DCAF15: variants seen among roughly 807,000 people sequenced by gnomAD.
DCAF15 encodes the protein DDB1- and CUL4-associated factor 15.
DCAF15 carries 24 observed loss-of-function variants against 68.0 expected under a neutral mutation model. That is an observed-to-expected ratio of 0.35 (90% confidence interval 0.26 to 0.50). DCAF15 has a LOEUF of 0.50. Among genes scored for constraint, DCAF15 ranks in the 20% least tolerant of loss-of-function variants. The pLI is 0.98. For synonymous variants in DCAF15, 376 were observed against 341.6 expected (o/e 1.10, Z -1.11); for missense variants, 627 against 830.6 (o/e 0.75, Z 3.01).
At position 13,956,280 on chromosome 19, in the gene DCAF15, GC is replaced by G; in HGVS notation, c.613+19del. ...CCACCCAGGTGAGGGGGCCGAGGGG[GC>G]GAGGGCCTCTTCCCCCCTCCCCCCC... On this transcript the variant is annotated intron_variant, in intron 5 of 12. Coordinates refer to ENST00000254337, the MANE Select transcript of DCAF15 (RefSeq NM_138353.4). 6.2e-7 allele frequency: 1 copy of G among 1,611,866 alleles called. No individual in the cohort carries two copies. The highest frequency in any genetic ancestry group is 8.5e-7 in the Non-Finnish European group (1 of 1,179,204).
chr19:13,961,289 C>T lies in DCAF15; in HGVS notation c.*294C>T. ...ATGGGCCTGGCCCCTCGTGCATTTG[C>T]CCTTTTCTCGGCTACAGCTGTGGAC... is the stretch of plus-strand genomic sequence containing the variant. On this transcript the variant is annotated 3_prime_UTR_variant, in exon 13 of 13. Transcript: ENST00000254337. 1 of 497,810 alleles carries T rather than the reference C, an allele frequency of 2.0e-6. No homozygotes were observed. The highest frequency in any genetic ancestry group is 3.4e-5 in the East Asian group (1 of 29,534). The allele number at this position is 497,810 out of a possible 1,614,324, so 30.8% of individuals were successfully genotyped here. A position where few individuals can be genotyped will look rare whatever the true frequency, so the allele number is the denominator to read the frequency against.
chr19:13,953,055 C>T (rs1973153162), intron 1 of DCAF15: 5 of 1,541,198 alleles, frequency 3.2e-6, no homozygotes, highest in East Asian at 2.5e-5. Flanking sequence ...CTTTGGGCTT[C>T]CTCCGCCTGA....
chr19:13,960,127 A>G (rs914413947), intron 10 of DCAF15, 58 bp downstream of exon 10: 6 of 1,600,402 alleles, frequency 3.7e-6, no homozygotes, highest in Non-Finnish European at 5.1e-6. Context: ...CAGACACTTC[A>G]CGGTGGGGGT....
At position 13,958,584 on chromosome 19, in the gene DCAF15, C is replaced by T. The variant is rs191273997; in HGVS notation, c.785-461C>T. Among the ~76,000 whole-genome samples, 589 of 152,218 alleles carry T rather than the reference C, an allele frequency of 3.9e-3. 5 individuals carry two copies. Among genetic ancestry groups the T allele is most frequent in the African/African-American group, 0.013 (533 of 41,506 alleles). On this transcript the variant is annotated intron_variant, in intron 6 of 12. Coordinates refer to ENST00000254337, the MANE Select transcript of DCAF15 (RefSeq NM_138353.4). ...GCAGGCAGAGACAGAGGCCCTGATT[C>T]GATGAAGTGTGCCCGCAGTGGTCTG...
At chr19:13,954,039 G>A (rs1973224111) in intron 1 of DCAF15, among the ~76,000 whole-genome samples, 1 of 152,180 alleles carries the variant, frequency 6.6e-6, no homozygotes, top group Non-Finnish European at 1.5e-5. Flanking sequence ...GGTGATTGGG[G>A]AACTTTCTTG....
rs1973563663 is a variant in DCAF15 at position 13,960,279 on chromosome 19, C to T, written c.1527-8C>T. 6.2e-7 allele frequency: 1 copy of T among 1,612,816 alleles called. No homozygotes were observed. The highest frequency in any genetic ancestry group is 1.1e-5 in the South Asian group (1 of 91,066). On this transcript the variant is annotated splice_region_variant and splice_polypyrimidine_tract_variant and intron_variant, in intron 10 of 12. Transcript: ENST00000254337. ...CCAGCGTTTGTCCTATGTCCCTCTC[C>T]ACTGTAGACCAAAGACCTATCACAC...
In DCAF15 at chr19:13,959,894, A is replaced by AGGTGGGCCCAGGGCGGGAAG; in HGVS notation, c.1440+16_1440+17insAAGGGTGGGCCCAGGGCGGG. The AGGTGGGCCCAGGGCGGGAAG allele has an allele frequency of 1.3e-6, 2 of 1,499,464 alleles. No homozygotes were observed. Among genetic ancestry groups the AGGTGGGCCCAGGGCGGGAAG allele is most frequent in the Non-Finnish European group, 1.8e-6 (2 of 1,097,618 alleles). The allele number at this position is 1,499,464 out of a possible 1,614,324, so 92.9% of individuals were successfully genotyped here. A position where few individuals can be genotyped will look rare whatever the true frequency, so the allele number is the denominator to read the frequency against. ...AGCGACTATGACATCGTCATTCTGG[A>AGGTGGGCCCAGGGCGGGAAG]GGTGGGCCCAGGGCGGGCAGGGTGG... On this transcript the variant is annotated frameshift_variant and splice_region_variant, in exon 9 of 13. Transcript: ENST00000254337. LOFTEE classifies it high-confidence loss of function.
rs73515571 is a variant in DCAF15, at chr19:13,955,867, C to T, written c.367-45C>T. On this transcript the variant is annotated intron_variant, in intron 3 of 12. Transcript: ENST00000254337. ...TGCATCGTACAGCTTCGGGGGACCT[C>T]CGCAGTTTCCCTGACCCGGTGCTGC... 9.4e-4 allele frequency: 1,502 copies of T among 1,602,436 alleles called. 16 individuals are homozygous for T. The African/African-American group carries it at 0.018, about 19-fold the overall frequency.
chr19:13,955,544 G>C (rs1348891480), intron 3 of DCAF15, among the ~76,000 whole-genome samples: 1 of 152,194 alleles, frequency 6.6e-6, no homozygotes, highest in East Asian at 1.9e-4. Context: ...ATTAGGACCA[G>C]GCCACCCTGG....
At chr19:13,957,242 C>T (rs555206258) in intron 6 of DCAF15, among the ~76,000 whole-genome samples, 44 of 152,330 alleles carry the variant, frequency 2.9e-4, no homozygotes, top group Non-Finnish European at 4.1e-4. Flanking sequence ...CAAGATGTCC[C>T]TTGACAGTGA....
At chr19:13,954,790 C>T (rs1973280244) in intron 3 of DCAF15, 129 bp downstream of exon 3, 1 of 1,028,520 alleles carries the variant, frequency 9.7e-7, no homozygotes, top group Non-Finnish European at 1.4e-6. Flanking sequence ...CATCAAGATT[C>T]CATGTGTTAG....
intron 6 of DCAF15, among the ~76,000 whole-genome samples, chr19:13,956,786 G>A (rs1973384105): frequency 6.6e-6 from 1 of 152,248 alleles, no homozygotes; most frequent in Non-Finnish European, 1.5e-5. Flanking sequence ...GAGGAACTGA[G>A]CTTGTGATAC....
intron 10 of DCAF15, 88 bp downstream of exon 10, chr19:13,960,157 C>T (rs1973554789): frequency 1.3e-6 from 2 of 1,577,682 alleles, no homozygotes; most frequent in Non-Finnish European, 1.7e-6. Context: ...TGAGAAGGCT[C>T]TCCCTGTGCC....
chr19:13,953,444 C>T, intron 1 of DCAF15: 1 of 269,370 alleles, frequency 3.7e-6, no homozygotes. Context: ...ACAGTCTCCG[C>T]CCTTAGCCTG....
In DCAF15 at chr19:13,961,310, T is replaced by C; in HGVS notation, c.*315T>C. 6.5e-6 allele frequency: 3 copies of C among 460,628 alleles called. No homozygotes were observed. The highest frequency in any genetic ancestry group is 4.0e-6 in the Non-Finnish European group (1 of 249,606). 28.5% of individuals were successfully genotyped at this position (460,628 alleles called of 1,614,324 possible). On this transcript the variant is annotated 3_prime_UTR_variant, in exon 13 of 13. Coordinates refer to ENST00000254337, the MANE Select transcript of DCAF15 (RefSeq NM_138353.4). ...TTTGCCCTTTTCTCGGCTACAGCTGTGGACGTTGCCCTCGGGGAGGTCGAA... is the reference window on the plus strand; with the variant it reads ...TTTGCCCTTTTCTCGGCTACAGCTGCGGACGTTGCCCTCGGGGAGGTCGAA...
At position 13,959,336 on chromosome 19, in the gene DCAF15, C is replaced by T. The variant is rs373679058; in HGVS notation, c.1076C>T (p.Ser359Phe). 1 of 1,606,238 alleles carries T rather than the reference C, an allele frequency of 6.2e-7. No individual in the cohort carries two copies. ...GPSGSRCRAHSEPLALCGETA... is the reference protein window; with the variant it reads ...GPSGSRCRAHFEPLALCGETA... ...TCTGGCAGCCGCTGCCGTGCGCACT[C>T]TGAGCCCCTAGCCCTGTGTGGAGAG... Residue 359 changes from serine to phenylalanine, a missense_variant, in exon 7 of 13, where the codon TCT becomes TTT. By Grantham distance (155) the Ser-to-Phe change is radical. Around this residue, in one of 3 missense-constraint regions of DCAF15, gnomAD observed 236 missense variants for 225.1 expected, o/e 1.05. Coordinates refer to ENST00000254337, the MANE Select transcript of DCAF15 (RefSeq NM_138353.4).
intron 6 of DCAF15, among the ~76,000 whole-genome samples, chr19:13,958,737 A>T (rs373925163): frequency 2.6e-5 from 4 of 151,320 alleles, no homozygotes; most frequent in Non-Finnish European, 2.9e-5. Flanking sequence ...TGTAGTGAAC[A>T]CTCTACGCTG....
rs73515570 is a variant in DCAF15, at chr19:13,955,865, C to T, written c.367-47C>T. The T allele has an allele frequency of 4.4e-6, 7 of 1,598,000 alleles. No homozygotes were observed. In the East Asian group the frequency reaches 6.7e-5, roughly 15 times the overall value. On this transcript the variant is annotated intron_variant, in intron 3 of 12. Coordinates refer to ENST00000254337, the MANE Select transcript of DCAF15 (RefSeq NM_138353.4). ...ACTGCATCGTACAGCTTCGGGGGAC[C>T]TCCGCAGTTTCCCTGACCCGGTGCT...
chr19:13,953,174 C>A, intron 1 of DCAF15: 3 of 1,517,690 alleles, frequency 2.0e-6, no homozygotes, highest in Non-Finnish European at 8.8e-7. Context: ...GCTGAGTCTT[C>A]CCCCGCAGAG....
Sources: allele counts gnomAD v4.1 joint callset (sites outside exome capture counted in the v4.1 genomes callset), GRCh38; gene constraint gnomAD v4.1.1; regional missense constraint gnomAD v4.1.1; transcripts MANE v1.5; gene names NCBI Gene and HGNC (gene_info 2026-07-23, HGNC 2026-07-21).